CCBE1: variants seen among roughly 807,000 people sequenced by gnomAD.
CCBE1 encodes collagen and calcium binding EGF domains 1.
In CCBE1, 37 loss-of-function variants were observed where a neutral mutation model predicts 50.0. That is an observed-to-expected ratio of 0.74 (90% CI 0.57 to 0.97). CCBE1 has a LOEUF of 0.97. CCBE1 is among the 50% of genes least tolerant of loss of function. CCBE1 has a pLI of 0.00. For missense variants in CCBE1, 538 were observed against 523.8 expected, an observed-to-expected ratio of 1.03 and a Z score of -0.26; for synonymous variants, 234 against 203.7, an observed-to-expected ratio of 1.15 and a Z score of -1.27.
chr18:59,563,807 C>T (rs1412241884), intron 2 of CCBE1: 1 of 152,192 alleles, frequency 6.6e-6, no homozygotes, highest in African/African-American at 2.4e-5. Flanking sequence ...GTGATCATAA[C>T]CCCAAATCAT....
chr18:59,630,881 G>T (rs1448000719), intron 2 of CCBE1, among the ~76,000 whole-genome samples: 1 of 152,154 alleles, frequency 6.6e-6, no homozygotes, highest in Non-Finnish European at 1.5e-5. Context: ...CATTAATTAA[G>T]CCCGTTTAGA....
At chr18:59,488,040 C>T in intron 2 of CCBE1, among the ~76,000 whole-genome samples, 1 of 152,216 alleles carries the variant, frequency 6.6e-6, no homozygotes, top group Admixed American at 6.5e-5. Flanking sequence ...CATGCTACAA[C>T]ATGGATGAAC....
chr18:59,565,528 T>C (rs982413629), intron 2 of CCBE1, among the ~76,000 whole-genome samples: 2 of 152,202 alleles, frequency 1.3e-5, no homozygotes, highest in African/African-American at 4.8e-5. Flanking sequence ...CTGGCCCCAC[T>C]GAGGCCTACT....
intron 2 of CCBE1, among the ~76,000 whole-genome samples, chr18:59,507,113 A>G (rs1205426756): frequency 2.0e-5 from 3 of 152,178 alleles, no homozygotes; most frequent in Admixed American, 2.0e-4. Flanking sequence ...ATATTCACCA[A>G]GATACCTCAC....
In CCBE1 at chr18:59,508,711, C is replaced by CTTTTTTTTTTT. The variant is rs55881131; in HGVS notation, c.213-28484_213-28474dup. ...AGCACAGTACACACATAGAGTTACG[C>CTTTTTTTTTTT]TTTTTTTTTTTTTTTTTTTTTTGAG... On this transcript the variant is annotated intron_variant, in intron 2 of 10. Transcript: ENST00000439986. 1.5e-4 allele frequency among the ~76,000 whole-genome samples: 14 copies of CTTTTTTTTTTT among 95,692 alleles called. 1 individual carries two copies. Among genetic ancestry groups the CTTTTTTTTTTT allele is most frequent in the East Asian group, 3.3e-4 (1 of 3,044 alleles). The allele number at this position is 95,692 out of a possible 152,430, so 62.8% of individuals were successfully genotyped here.
intron 2 of CCBE1, among the ~76,000 whole-genome samples, chr18:59,688,018 T>G (rs1791278): frequency 0.89 from 136,044 of 152,230 alleles, 60,891 homozygotes; most frequent in Admixed American, 0.94. Context: ...CTGTATAGTG[T>G]TATAATATAT....
At chr18:59,688,372 G>GGA (rs2054685597) in intron 2 of CCBE1, 1 of 152,148 alleles carries the variant, frequency 6.6e-6, no homozygotes. Flanking sequence ...CTTCAGCCTG[G>GGA]GAGATTGAGG....
chr18:59,485,610 ATTTATTTATTTATTT>A (rs1395888212), intron 2 of CCBE1, among the ~76,000 whole-genome samples: 84 of 150,146 alleles, frequency 5.6e-4, no homozygotes, highest in Admixed American at 2.1e-3. Context: ...TTATTTATTT[ATTTATTTATTTATTT>A]TTTGAGATGG....
chr18:59,535,827 C>T (rs1915226028), intron 2 of CCBE1, among the ~76,000 whole-genome samples: 1 of 152,110 alleles, frequency 6.6e-6, no homozygotes, highest in Non-Finnish European at 1.5e-5. Context: ...GGACATTTAT[C>T]AGAAATAATA....
intron 2 of CCBE1, among the ~76,000 whole-genome samples, chr18:59,689,131 G>A (rs570883607): frequency 6.6e-6 from 1 of 152,288 alleles, no homozygotes; most frequent in Admixed American, 6.5e-5. Context: ...GCCAATCCCT[G>A]CTCTCTACCA....
intron 2 of CCBE1, among the ~76,000 whole-genome samples, chr18:59,641,503 CCTT>C (rs1568248821): frequency 6.6e-6 from 1 of 151,898 alleles, no homozygotes; most frequent in African/African-American, 2.4e-5. Context: ...GGTACACTAT[CCTT>C]ATTACCTGGG....
intron 2 of CCBE1, among the ~76,000 whole-genome samples, chr18:59,589,812 GAAAGA>G (rs1371400681): frequency 4.6e-5 from 5 of 109,716 alleles, no homozygotes; most frequent in African/African-American, 1.7e-4. Context: ...AAAAAAAAAA[GAAAGA>G]AAAAAAAAAT....
At chr18:59,449,428 C>T (rs1255398656) in intron 6 of CCBE1, among the ~76,000 whole-genome samples, 1 of 151,642 alleles carries the variant, frequency 6.6e-6, no homozygotes, top group African/African-American at 2.4e-5. Flanking sequence ...TCGAGACCAG[C>T]CTGGCCAACA....
intron 1 of CCBE1, 37 bp from the exon 2 acceptor site, chr18:59,696,746 C>A (rs752143140): frequency 6.2e-7 from 1 of 1,605,224 alleles, no homozygotes; most frequent in South Asian, 1.1e-5. Flanking sequence ...CGATTCTCAG[C>A]GGGAGAGCGG....
At chr18:59,668,990 C>A (rs2054396039) in intron 2 of CCBE1, among the ~76,000 whole-genome samples, 2 of 151,854 alleles carry the variant, frequency 1.3e-5, no homozygotes, top group Admixed American at 1.3e-4. Flanking sequence ...CACGCCACAA[C>A]ACCTGGCTAA....
chr18:59,438,921 G>A (rs567579686), intron 9 of CCBE1, among the ~76,000 whole-genome samples: 21 of 152,162 alleles, frequency 1.4e-4, no homozygotes, highest in East Asian at 1.2e-3. Flanking sequence ...AGGCTGAGAC[G>A]GGCAGATCAC....
At chr18:59,479,603 C>G (rs529488760) in intron 3 of CCBE1, among the ~76,000 whole-genome samples, 1 of 152,204 alleles carries the variant, frequency 6.6e-6, no homozygotes, top group Non-Finnish European at 1.5e-5. Context: ...TAGAAAGTAA[C>G]CTGAACTTGC....
chr18:59,654,791 C>CAAAAAAA (rs34690890), intron 2 of CCBE1, among the ~76,000 whole-genome samples: 1 of 94,330 alleles, frequency 1.1e-5, no homozygotes, highest in East Asian at 3.2e-4. Flanking sequence ...ACTCCGTCTC[C>CAAAAAAA]AAAAAAAAAA....
At chr18:59,566,107 T>G (rs538803886) in intron 2 of CCBE1, among the ~76,000 whole-genome samples, 11 of 152,290 alleles carry the variant, frequency 7.2e-5, no homozygotes, top group Non-Finnish European at 1.3e-4. Flanking sequence ...GGACACACAC[T>G]GCAACAGCAA....
Sources: allele counts gnomAD v4.1 joint callset (sites outside exome capture counted in the v4.1 genomes callset), GRCh38; gene constraint gnomAD v4.1.1; transcripts MANE v1.5; gene names NCBI Gene and HGNC (gene_info 2026-07-23, HGNC 2026-07-21).